SGCG: variants seen among roughly 807,000 people sequenced by gnomAD.
SGCG encodes the protein gamma-sarcoglycan.
In SGCG, 26 loss-of-function variants were observed where a neutral mutation model predicts 29.3. That is an observed-to-expected ratio of 0.89 (90% CI 0.65 to 1.23). The LOEUF is 1.23. SGCG is among the 50% of genes most tolerant of loss of function. The pLI is 0.00. For synonymous variants in SGCG, 145 were observed against 129.7 expected, an observed-to-expected ratio of 1.12 and a Z score of -0.80; for missense variants, 353 against 356.0, an observed-to-expected ratio of 0.99 and a Z score of 0.07.
intron 2 of SGCG, among the ~76,000 whole-genome samples, chr13:23,226,495 C>A (rs1392540650): frequency 6.6e-6 from 1 of 152,050 alleles, no homozygotes. Flanking sequence ...TGTTCATGCA[C>A]TGGAATACTT....
At chr13:23,227,289 A>T (rs960544815) in intron 2 of SGCG, among the ~76,000 whole-genome samples, 1 of 148,298 alleles carries the variant, frequency 6.7e-6, no homozygotes, top group African/African-American at 2.5e-5. Flanking sequence ...AAAGAAAAAA[A>T]TTCATTATAC....
chr13:23,236,348 T>G (rs1879311102), intron 3 of SGCG, among the ~76,000 whole-genome samples: 1 of 152,184 alleles, frequency 6.6e-6, no homozygotes, highest in Admixed American at 6.5e-5. Context: ...ATCAGGTGAC[T>G]AGGTCACAGC....
At chr13:23,291,546 G>A (rs1287651870) in intron 5 of SGCG, among the ~76,000 whole-genome samples, 1 of 152,160 alleles carries the variant, frequency 6.6e-6, no homozygotes, top group African/African-American at 2.4e-5. Context: ...AGGCTGAATA[G>A]TGATGATATA....
Position 23,260,345 on chromosome 13 carries a change from T to C in SGCG, c.385+9628T>C, listed in dbSNP as rs562881140. Among the ~76,000 whole-genome samples the C allele has an allele frequency of 1.2e-4, 18 of 152,330 alleles. No individual in the cohort carries two copies. In the South Asian group the frequency reaches 1.4e-3, roughly 12 times the overall value. ...ATCTTTGTTGGTCTAAAGTCTATTT[T>C]ATCAGAGACTAGGATTGCAACCCCT... On this transcript the variant is annotated intron_variant, in intron 4 of 7. Coordinates refer to ENST00000218867, the MANE Select transcript of SGCG (RefSeq NM_000231.3).
rs547387962 is a variant in SGCG, at chr13:23,214,174, A to G, written c.195+10285A>G. On this transcript the variant is annotated intron_variant, in intron 2 of 7. Coordinates refer to ENST00000218867, the MANE Select transcript of SGCG (RefSeq NM_000231.3). ...TCCAGACAATAAAATGCCTGACCCC[A>G]CGTTCATCATGGTTGCTTCCTTGTC... 7.2e-5 allele frequency among the ~76,000 whole-genome samples: 11 copies of G among 152,224 alleles called. No individual in the cohort carries two copies. In the South Asian group the frequency reaches 1.2e-3, roughly 17 times the overall value.
intron 2 of SGCG, among the ~76,000 whole-genome samples, chr13:23,218,640 A>G (rs1878524871): frequency 6.6e-6 from 1 of 152,068 alleles, no homozygotes. Flanking sequence ...AGTGACCAAT[A>G]TTTCTGCACA....
At chr13:23,315,376 C>G (rs1022473626) in intron 6 of SGCG, among the ~76,000 whole-genome samples, 1 of 152,100 alleles carries the variant, frequency 6.6e-6, no homozygotes, top group African/African-American at 2.4e-5. Flanking sequence ...CGATCGTGCT[C>G]GAGCAGGTCC....
At chr13:23,267,683 TAA>T (rs1290999855) in intron 4 of SGCG, 1 of 152,308 alleles carries the variant, frequency 6.6e-6, no homozygotes, top group Non-Finnish European at 1.5e-5. Context: ...CACGCACACC[TAA>T]GAGACAGCAA....
At chr13:23,211,362 G>C (rs1441745638) in intron 2 of SGCG, among the ~76,000 whole-genome samples, 1 of 152,116 alleles carries the variant, frequency 6.6e-6, no homozygotes, top group Non-Finnish European at 1.5e-5. Flanking sequence ...TTTCTCTCAG[G>C]AAAGGTCCCT....
intron 3 of SGCG, among the ~76,000 whole-genome samples, chr13:23,237,754 C>G (rs2137549178): frequency 6.8e-6 from 1 of 148,138 alleles, no homozygotes; most frequent in African/African-American, 2.5e-5. Context: ...CACATCCACA[C>G]AGTGGAACAT....
the SGCG span, among the ~76,000 whole-genome samples, chr13:23,168,397 G>A: frequency 6.6e-6 from 1 of 152,110 alleles, no homozygotes; most frequent in Non-Finnish European, 1.5e-5. Context: ...GAAGTCTCTA[G>A]AACAAGAGAC....
chr13:23,188,806 T>C (rs1187808344), intron 1 of SGCG, among the ~76,000 whole-genome samples: 4 of 152,112 alleles, frequency 2.6e-5, no homozygotes, highest in Non-Finnish European at 5.9e-5. Context: ...AGTTCCTCTA[T>C]GTGAGATAAA....
At chr13:23,313,131 T>C (rs1197785583) in intron 6 of SGCG, among the ~76,000 whole-genome samples, 1 of 151,868 alleles carries the variant, frequency 6.6e-6, no homozygotes. Context: ...TTTAAATTGA[T>C]GCACTGTTCA....
intron 4 of SGCG, among the ~76,000 whole-genome samples, chr13:23,252,147 A>G (rs1332324746): frequency 6.6e-6 from 1 of 152,176 alleles, no homozygotes; most frequent in African/African-American, 2.4e-5. Flanking sequence ...ATGTATTTAA[A>G]ACAAATTATA....
chr13:23,189,574 A>G (rs1877157170), intron 1 of SGCG, among the ~76,000 whole-genome samples: 1 of 152,220 alleles, frequency 6.6e-6, no homozygotes, highest in Non-Finnish European at 1.5e-5. Context: ...ACAATTAAAA[A>G]TAGTTGAGGT....
At chr13:23,255,947 C>T (rs1355326596) in intron 4 of SGCG, among the ~76,000 whole-genome samples, 1 of 152,182 alleles carries the variant, frequency 6.6e-6, no homozygotes, top group Non-Finnish European at 1.5e-5. Flanking sequence ...AGACAGTGAA[C>T]CTGCTCACAC....
chr13:23,269,436 ACTT>A (rs761433490), intron 4 of SGCG, among the ~76,000 whole-genome samples: 42 of 152,110 alleles, frequency 2.8e-4, no homozygotes, highest in Non-Finnish European at 5.0e-4. Flanking sequence ...AGAAAGTGTG[ACTT>A]CTTCATCCCG....
the SGCG span, among the ~76,000 whole-genome samples, chr13:23,171,789 C>G: frequency 1.3e-5 from 2 of 152,256 alleles, no homozygotes; most frequent in East Asian, 3.9e-4. Flanking sequence ...TCCACTGATC[C>G]GACAGGAAGC....
chr13:23,183,265 A>G lies in SGCG; in HGVS notation c.-1+2190A>G, dbSNP rs145643074. 3.3e-3 allele frequency among the ~76,000 whole-genome samples: 501 copies of G among 152,232 alleles called. 2 individuals are homozygous for G. Among genetic ancestry groups the G allele is most frequent in the Non-Finnish European group, 4.9e-3 (335 of 68,006 alleles). The stretch of plus-strand genomic sequence containing the variant: ...GTAAATAGTAGCTTCCATCGGCATC[A>G]CCCATCAATGCACCCTCTTATCCTG... On this transcript the variant is annotated intron_variant, in intron 1 of 7. Transcript: ENST00000218867.
Sources: allele counts gnomAD v4.1 joint callset (sites outside exome capture counted in the v4.1 genomes callset), GRCh38; gene constraint gnomAD v4.1.1; transcripts MANE v1.5; gene names NCBI Gene and HGNC (gene_info 2026-07-23, HGNC 2026-07-21).